The following SYN2 variants were observed in gnomAD, a reference collection of about 807,000 sequenced individuals.
The protein encoded by SYN2 is synapsin II, also known as synapsin-2.
Under a neutral mutation model 50.9 loss-of-function variants are expected in SYN2, and 19 were observed. The observed-to-expected ratio is 0.37, with a 90% CI of 0.26 to 0.55. The LOEUF (loss-of-function observed/expected upper bound fraction) is 0.55, where lower values mean the gene tolerates loss of function less well. Ranked by LOEUF, SYN2 falls within the 20% of genes least tolerant of loss-of-function variation. SYN2 has a pLI of 0.81. For missense variants in SYN2, 587 were observed against 576.4 expected, an observed-to-expected ratio of 1.02 and a Z score of -0.19; for synonymous variants, 255 against 224.9, an observed-to-expected ratio of 1.13 and a Z score of -1.20.
chr3:12,139,100 G>T (rs1391328712), intron 1 of SYN2, among the ~76,000 whole-genome samples: 1 of 152,130 alleles, frequency 6.6e-6, no homozygotes, highest in Non-Finnish European at 1.5e-5. Context: ...AGAGGTGGGG[G>T]GTGGACTTAA....
rs574905952 is a variant in SYN2 at position 12,109,491 on chromosome 3, A to G, written c.378-31160A>G. Reference sequence around the variant, plus strand: ...TTTGTTTGAAATGGTTATACTAGTTATGTAGTATCAGAAACCAGTAAAACA... The same window carrying G: ...TTTGTTTGAAATGGTTATACTAGTTGTGTAGTATCAGAAACCAGTAAAACA... On this transcript the variant is annotated intron_variant, in intron 1 of 12. Transcript: ENST00000621198. 5.9e-5 allele frequency among the ~76,000 whole-genome samples: 9 copies of G among 152,344 alleles called. No individual in the cohort carries two copies. The South Asian group carries it at 1.7e-3, about 28-fold the overall frequency.
intron 10 of SYN2, among the ~76,000 whole-genome samples, chr3:12,174,005 C>T (rs1559454110): frequency 6.6e-6 from 1 of 152,136 alleles, no homozygotes; most frequent in Non-Finnish European, 1.5e-5. Context: ...TGACTACTCC[C>T]TCCTCTAAAC....
intron 1 of SYN2, among the ~76,000 whole-genome samples, chr3:12,101,131 G>A (rs1359472606): frequency 2.6e-5 from 4 of 152,132 alleles, no homozygotes; most frequent in Non-Finnish European, 5.9e-5. Flanking sequence ...GCTCTTCAGT[G>A]TATAACCAAG....
At position 12,187,615 on chromosome 3, in the gene SYN2, A is replaced by G; in HGVS notation, c.1613+3A>G. 6.5e-7 allele frequency: 1 copy of G among 1,540,668 alleles called. No homozygotes were observed. The highest frequency in any genetic ancestry group is 8.8e-7 in the Non-Finnish European group (1 of 1,137,976). On this transcript the variant is annotated splice_donor_region_variant and intron_variant, in intron 12 of 12. Coordinates refer to ENST00000621198, the MANE Select transcript of SYN2 (RefSeq NM_133625.6). ...CCCCAGCCTCACCCACAGCTCAAGT[A>G]AGAGACAACTCAGCAGCTCCTCCCT...
intron 6 of SYN2, 142 bp from the exon 7 acceptor site, chr3:12,161,870 C>A (rs1697656430): frequency 1.6e-6 from 2 of 1,236,976 alleles, no homozygotes; most frequent in Non-Finnish European, 2.2e-6. Context: ...GGAGAAGGGG[C>A]CTCCTGGGGA....
intron 1 of SYN2, among the ~76,000 whole-genome samples, chr3:12,012,803 G>A (rs1693943287): frequency 6.6e-6 from 1 of 151,968 alleles, no homozygotes; most frequent in African/African-American, 2.4e-5. Context: ...TTTTCCTTCT[G>A]TTCATATTCT....
chr3:12,166,250 C>T (rs1007557452), intron 7 of SYN2, among the ~76,000 whole-genome samples: 5 of 152,166 alleles, frequency 3.3e-5, no homozygotes, highest in Admixed American at 6.5e-5. Flanking sequence ...GGGGCTCTGT[C>T]GACAGTGTAA....
chr3:12,122,588 A>G (rs1696584831), intron 1 of SYN2, among the ~76,000 whole-genome samples: 1 of 152,212 alleles, frequency 6.6e-6, no homozygotes, highest in Non-Finnish European at 1.5e-5. Flanking sequence ...TCATCTGTAC[A>G]TGGAGGACAA....
chr3:12,062,421 A>G (rs1013547643), intron 1 of SYN2, among the ~76,000 whole-genome samples: 3 of 151,898 alleles, frequency 2.0e-5, no homozygotes, highest in Non-Finnish European at 4.4e-5. Flanking sequence ...CACAGGAGGA[A>G]CTCTAGGTGA....
intron 1 of SYN2, among the ~76,000 whole-genome samples, chr3:12,012,904 C>T (rs151100372): frequency 1.3e-5 from 2 of 152,344 alleles, no homozygotes; most frequent in African/African-American, 4.8e-5. Context: ...CCTAATCACT[C>T]TTCCAAACAT....
intron 1 of SYN2, among the ~76,000 whole-genome samples, chr3:12,133,124 A>G (rs868202984): frequency 1.6e-4 from 24 of 152,242 alleles, no homozygotes; most frequent in Non-Finnish European, 1.3e-4. Flanking sequence ...CACATCATTT[A>G]TATGAATGTT....
At chr3:12,139,217 C>G (rs1280246128) in intron 1 of SYN2, among the ~76,000 whole-genome samples, 1 of 152,068 alleles carries the variant, frequency 6.6e-6, no homozygotes, top group Middle Eastern at 3.2e-3. Context: ...GTTCCAGAAC[C>G]CATAGAGAAA....
intron 1 of SYN2, among the ~76,000 whole-genome samples, chr3:12,110,567 C>A (rs532917878): frequency 6.6e-6 from 1 of 152,378 alleles, no homozygotes; most frequent in South Asian, 2.1e-4. Context: ...GCCCCTGCAG[C>A]AGACTTCTTC....
chr3:12,187,954 G>T (rs1211058538), intron 12 of SYN2, among the ~76,000 whole-genome samples: 2 of 151,932 alleles, frequency 1.3e-5, no homozygotes, highest in Non-Finnish European at 2.9e-5. Context: ...TTAAGGTTTT[G>T]GTTTGTTTAT....
At chr3:12,175,865 A>G (rs1698054270) in intron 10 of SYN2, among the ~76,000 whole-genome samples, 1 of 152,238 alleles carries the variant, frequency 6.6e-6, no homozygotes, top group Non-Finnish European at 1.5e-5. Flanking sequence ...AGCACTGGCC[A>G]TGTCACCAAG....
Position 12,104,570 on chromosome 3 carries a change from C to CTTTTTTTTTTTTTTTTTTT in SYN2, c.378-36077_378-36059dup, listed in dbSNP as rs796837275. ...ATGTGAAACATTTTTCTTTTCTTTT[C>CTTTTTTTTTTTTTTTTTTT]TTTTTTTTTTTTTTTTTTTTTTGAG... is the stretch of plus-strand genomic sequence containing the variant. On this transcript the variant is annotated intron_variant, in intron 1 of 12. Transcript: ENST00000621198. Among the ~76,000 whole-genome samples, 26 of 81,720 alleles carry CTTTTTTTTTTTTTTTTTTT rather than the reference C, an allele frequency of 3.2e-4. 2 individuals are homozygous for CTTTTTTTTTTTTTTTTTTT. Among genetic ancestry groups the CTTTTTTTTTTTTTTTTTTT allele is most frequent in the East Asian group, 1.2e-3 (3 of 2,516 alleles). 53.6% of individuals were successfully genotyped at this position (81,720 alleles called of 152,430 possible).
intron 11 of SYN2, among the ~76,000 whole-genome samples, chr3:12,187,100 T>G (rs1013501953): frequency 6.6e-6 from 1 of 152,140 alleles, no homozygotes; most frequent in Non-Finnish European, 1.5e-5. Context: ...AGAGTGCGCC[T>G]CTGACGGGGC....
intron 1 of SYN2, among the ~76,000 whole-genome samples, chr3:12,066,292 C>T (rs1433885586): frequency 2.6e-5 from 4 of 151,900 alleles, no homozygotes; most frequent in African/African-American, 9.7e-5. Flanking sequence ...GAACTCTGGG[C>T]TATCTTAATA....
At chr3:12,164,149 T>A (rs1447744145) in intron 7 of SYN2, among the ~76,000 whole-genome samples, 1 of 152,128 alleles carries the variant, frequency 6.6e-6, no homozygotes, top group Admixed American at 6.6e-5. Context: ...CAAAAAAATA[T>A]ATACCTTCAG....
Sources: allele counts gnomAD v4.1 joint callset (sites outside exome capture counted in the v4.1 genomes callset), GRCh38; gene constraint gnomAD v4.1.1; transcripts MANE v1.5; gene names NCBI Gene and HGNC (gene_info 2026-07-23, HGNC 2026-07-21).